TRIM67: variants seen among roughly 807,000 people sequenced by gnomAD.
The protein encoded by TRIM67 is tripartite motif-containing protein 67.
Under a neutral mutation model 71.0 loss-of-function variants are expected in TRIM67, and 39 were observed. The ratio of observed to expected loss-of-function variants is 0.55; its 90% CI spans 0.43 to 0.72. The LOEUF is 0.72. Among genes scored for constraint, TRIM67 ranks in the 30% least tolerant of loss-of-function variants. The pLI, the probability that TRIM67 is intolerant of heterozygous loss-of-function variation, is 0.00. For synonymous variants in TRIM67, 481 were observed against 473.9 expected (o/e 1.01, Z -0.19); for missense variants, 973 against 1,079.2 (o/e 0.90, Z 1.38).
At chr1:231,208,334 C>T (rs552260073) in intron 7 of TRIM67, among the ~76,000 whole-genome samples, 5 of 152,192 alleles carry the variant, frequency 3.3e-5, no homozygotes, top group South Asian at 2.1e-4. Flanking sequence ...CCACCACGCC[C>T]GGCTAATTTT....
In TRIM67 at chr1:231,209,278, G is replaced by T. The variant is rs754719088; in HGVS notation, c.2123+28G>T. 3 of 1,509,544 alleles carry T rather than the reference G, an allele frequency of 2.0e-6. No homozygotes were observed. The highest frequency in any genetic ancestry group is 2.7e-5 in the South Asian group (2 of 74,374). 93.5% of individuals were successfully genotyped at this position (1,509,544 alleles called of 1,614,324 possible). ...GCGATTGGGCCCCATCCTGCCTCCC[G>T]TGGACACAGGTTGTTTGGGAATGAG... On this transcript the variant is annotated intron_variant, in intron 8 of 9. Coordinates refer to ENST00000366653, the MANE Select transcript of TRIM67 (RefSeq NM_001004342.5). This position sits in a 1 kb window ranked among gnomAD's most constrained non-coding sequence, Gnocchi z 4.1.
intron 8 of TRIM67, among the ~76,000 whole-genome samples, chr1:231,212,475 T>C (rs1323194782): frequency 6.6e-6 from 1 of 152,232 alleles, no homozygotes; most frequent in Non-Finnish European, 1.5e-5. Context: ...AAAAGGTCAA[T>C]TGGAGTTTGT....
rs1684065685 is a variant in TRIM67 at position 231,218,326 on chromosome 1, CT to C, written c.*2888del. On this transcript the variant is annotated 3_prime_UTR_variant, in exon 10 of 10. Coordinates refer to ENST00000366653, the MANE Select transcript of TRIM67 (RefSeq NM_001004342.5). ...TTTTGTTGGGCTGGCTGAGGAGTAA[CT>C]TGGTGTAAATCTATCAAGCAGTTTC... is the stretch of plus-strand genomic sequence containing the variant. 6 of 986,560 alleles carry C rather than the reference CT, an allele frequency of 6.1e-6. No individual in the cohort carries two copies. The highest frequency in any genetic ancestry group is 6.1e-5 in the Admixed American group (1 of 16,430). The allele number at this position is 986,560 out of a possible 1,614,324, so 61.1% of individuals were successfully genotyped here.
chr1:231,166,345 C>T lies in TRIM67; in HGVS notation c.1044+2332C>T, dbSNP rs572031863. Among the ~76,000 whole-genome samples the T allele has an allele frequency of 2.6e-5, 4 of 152,334 alleles. No individual in the cohort carries two copies. In the East Asian group the frequency reaches 5.8e-4, roughly 22 times the overall value. Reference sequence around the variant, plus strand: ...TACTGAGTGCTTATTATGAGCATTTCACCTGGGGGCTGGCAATCAAAAGAA... The same window carrying T: ...TACTGAGTGCTTATTATGAGCATTTTACCTGGGGGCTGGCAATCAAAAGAA... On this transcript the variant is annotated intron_variant, in intron 1 of 9. Transcript: ENST00000366653.
chr1:231,185,993 G>T, intron 1 of TRIM67: 1 of 1,122,296 alleles, frequency 8.9e-7, no homozygotes, highest in Non-Finnish European at 1.3e-6. Context: ...CGAGAAGGAG[G>T]TGGGTCTTCT....
chr1:231,191,775 C>T (rs1050806144), intron 1 of TRIM67, among the ~76,000 whole-genome samples: 1 of 152,150 alleles, frequency 6.6e-6, no homozygotes, highest in Non-Finnish European at 1.5e-5. Context: ...GACCACAAGG[C>T]CATTTTAATT....
In TRIM67 at chr1:231,209,395, G is replaced by A; in HGVS notation, c.2123+145G>A. On this transcript the variant is annotated intron_variant, in intron 8 of 9. Coordinates refer to ENST00000366653, the MANE Select transcript of TRIM67 (RefSeq NM_001004342.5). This position sits in a 1 kb window ranked among gnomAD's most constrained non-coding sequence, Gnocchi z 4.1. ...AGCCACTTTGGTCTCCATTTTCTAG[G>A]AGGCCTTCACTCTGCCCATATAGAA... The A allele has an allele frequency of 1.1e-6, 1 of 943,190 alleles. No individual in the cohort carries two copies. The highest frequency in any genetic ancestry group is 1.5e-6 in the Non-Finnish European group (1 of 655,816). The allele number at this position is 943,190 out of a possible 1,614,324, so 58.4% of individuals were successfully genotyped here. A position where few individuals can be genotyped will look rare whatever the true frequency, so the allele number is the denominator to read the frequency against.
intron 5 of TRIM67, among the ~76,000 whole-genome samples, chr1:231,202,287 A>T (rs201621042): frequency 0.15 from 2,446 of 16,602 alleles, 119 homozygotes; most frequent in African/African-American, 0.29. Context: ...GAGGAGGTGG[A>T]GGCAGTAGTG....
rs560067340 is a variant in TRIM67 at position 231,200,278 on chromosome 1, A to T, written c.1374+20A>T. 6.7e-5 allele frequency: 103 copies of T among 1,534,286 alleles called. 1 individual carries two copies. Among genetic ancestry groups the T allele is most frequent in the Middle Eastern group, 3.6e-4 (2 of 5,620 alleles). ...TTACAGGTGAGCCTGTCCCTGGAAGACACAAAGTGGGCTTCCTCCAACTGT... is the reference window on the plus strand; with the variant it reads ...TTACAGGTGAGCCTGTCCCTGGAAGTCACAAAGTGGGCTTCCTCCAACTGT... On this transcript the variant is annotated intron_variant, in intron 4 of 9. Transcript: ENST00000366653.
chr1:231,185,293 C>A (rs1571881069), intron 1 of TRIM67: 1 of 1,314,828 alleles, frequency 7.6e-7, no homozygotes, highest in East Asian at 2.5e-5. Context: ...CACCCTCCTA[C>A]ACTGGAGGGA....
intron 1 of TRIM67, among the ~76,000 whole-genome samples, chr1:231,167,006 C>A (rs998064909): frequency 1.3e-5 from 2 of 152,146 alleles, no homozygotes; most frequent in African/African-American, 4.8e-5. Flanking sequence ...GTGTGACATG[C>A]CACAGAATGT....
intron 1 of TRIM67, among the ~76,000 whole-genome samples, chr1:231,174,058 A>G (rs7517030): frequency 0.031 from 4,636 of 151,634 alleles, 147 homozygotes; most frequent in African/African-American, 0.075. Context: ...TCTCTCTCTC[A>G]TCCTTCCAGA....
chr1:231,207,768 C>T (rs1683746316), intron 7 of TRIM67, among the ~76,000 whole-genome samples: 1 of 152,160 alleles, frequency 6.6e-6, no homozygotes, highest in Non-Finnish European at 1.5e-5. Context: ...CTAGCTTCTG[C>T]CTCTAGACTC....
rs931873330 is a variant in TRIM67 at position 231,220,098 on chromosome 1, GA to G, written c.*4665del. The G allele has an allele frequency of 5.1e-6, 3 of 593,976 alleles. No individual in the cohort carries two copies. Among genetic ancestry groups the G allele is most frequent in the Non-Finnish European group, 7.8e-6 (3 of 382,788 alleles). 36.8% of individuals were successfully genotyped at this position (593,976 alleles called of 1,614,324 possible). ...AGGATTATACAATAACATTTTTAAA[GA>G]AAAAAAGTGCAGTCTTTCATCTCTG... is the stretch of plus-strand genomic sequence containing the variant. On this transcript the variant is annotated 3_prime_UTR_variant, in exon 10 of 10. Transcript: ENST00000366653.
rs1159437927 is a variant in TRIM67, at chr1:231,163,046, T to C, written c.77T>C (p.Val26Ala). Residue 26 changes from valine (V) to alanine (A), a missense_variant, in exon 1 of 10, where the codon GTC (valine) becomes GCC (alanine). By Grantham distance (64) the Val-to-Ala change is moderately conservative. Coordinates refer to ENST00000366653, the MANE Select transcript of TRIM67 (RefSeq NM_001004342.5). ...ATCATCCTGCCCTGTTCCCACAATG[T>C]CTGCCTGCCTTGCGCTCGCACCATC... ...EPIILPCSHN[V>A]CLPCARTIAV... 2 of 1,611,152 alleles carry C rather than the reference T, an allele frequency of 1.2e-6. No individual in the cohort carries two copies. Among genetic ancestry groups the C allele is most frequent in the Non-Finnish European group, 1.7e-6 (2 of 1,178,812 alleles).
chr1:231,198,952 C>T, intron 2 of TRIM67, 95 bp from the exon 3 acceptor site: 1 of 1,572,390 alleles, frequency 6.4e-7, no homozygotes, highest in Non-Finnish European at 8.7e-7. Context: ...ATGAACTTCT[C>T]TGAAATATAT....
At chr1:231,205,079 C>T (rs944422456) in intron 6 of TRIM67, among the ~76,000 whole-genome samples, 24 of 152,026 alleles carry the variant, frequency 1.6e-4, no homozygotes, top group African/African-American at 5.6e-4. Context: ...AGAGGAGAGC[C>T]AGTATTTTTG....
chr1:231,192,874 C>T (rs973769582), intron 1 of TRIM67, among the ~76,000 whole-genome samples: 1 of 152,238 alleles, frequency 6.6e-6, no homozygotes, highest in Admixed American at 6.5e-5. Context: ...AACCGTGAGA[C>T]TGTCCCCCTT....
chr1:231,183,248 G>C (rs1682956569), intron 1 of TRIM67, among the ~76,000 whole-genome samples: 1 of 152,160 alleles, frequency 6.6e-6, no homozygotes, highest in South Asian at 2.1e-4. Context: ...ATCTGCTAGA[G>C]TCCTTTGCTC....
Sources: allele counts gnomAD v4.1 joint callset (sites outside exome capture counted in the v4.1 genomes callset), GRCh38; gene constraint gnomAD v4.1.1; non-coding constraint Gnocchi (gnomAD v3.1); transcripts MANE v1.5; gene names NCBI Gene and HGNC (gene_info 2026-07-23, HGNC 2026-07-21).